The following FGF12 variants were observed in gnomAD, a reference collection of about 807,000 sequenced individuals.
FGF12 encodes fibroblast growth factor 12.
Under a neutral mutation model 23.6 loss-of-function variants are expected in FGF12, and 14 were observed. The ratio of observed to expected loss-of-function variants is 0.59; its 90% CI spans 0.39 to 0.93. The LOEUF is 0.93. FGF12 is among the 40% of genes least tolerant of loss of function. The pLI is 0.00. For synonymous variants in FGF12, 62 were observed against 77.3 expected, an observed-to-expected ratio of 0.80 and a Z score of 1.04; for missense variants, 175 against 217.8, an observed-to-expected ratio of 0.80 and a Z score of 1.24.
At chr3:192,714,680 G>T (rs1409790569) in intron 2 of FGF12, among the ~76,000 whole-genome samples, 2 of 151,768 alleles carry the variant, frequency 1.3e-5, no homozygotes, top group East Asian at 3.9e-4. Flanking sequence ...CACTACGTCC[G>T]GCTAATTTTT....
chr3:192,622,021 A>C (rs1352436005), intron 2 of FGF12, among the ~76,000 whole-genome samples: 1 of 152,172 alleles, frequency 6.6e-6, no homozygotes, highest in Non-Finnish European at 1.5e-5. Context: ...ACTGAGGAAA[A>C]GGCCTCTTTT....
intron 2 of FGF12, among the ~76,000 whole-genome samples, chr3:192,390,071 C>A (rs563377677): frequency 6.6e-6 from 1 of 152,264 alleles, no homozygotes; most frequent in South Asian, 2.1e-4. Context: ...TTAGAACATA[C>A]AAAATGGCTG....
chr3:192,235,897 T>C (rs984009104), intron 4 of FGF12, among the ~76,000 whole-genome samples: 1 of 152,200 alleles, frequency 6.6e-6, no homozygotes, highest in Non-Finnish European at 1.5e-5. Flanking sequence ...TTTCTTCTGC[T>C]AGCTTTGGGG....
At chr3:192,641,699 C>T (rs1413732009) in intron 2 of FGF12, among the ~76,000 whole-genome samples, 1 of 152,198 alleles carries the variant, frequency 6.6e-6, no homozygotes, top group East Asian at 1.9e-4. Context: ...AGCCACAGTG[C>T]CTGGCCGGCC....
At chr3:192,575,973 T>C (rs532848504) in intron 2 of FGF12, among the ~76,000 whole-genome samples, 16 of 152,322 alleles carry the variant, frequency 1.1e-4, no homozygotes, top group Admixed American at 8.5e-4. Flanking sequence ...ACCAATAGAT[T>C]TTTTACTTGC....
intron 2 of FGF12, among the ~76,000 whole-genome samples, chr3:192,381,989 T>C (rs1029209503): frequency 1.3e-5 from 2 of 151,010 alleles, no homozygotes; most frequent in African/African-American, 2.5e-5. Flanking sequence ...TAGACTAGCA[T>C]AACACTTTTT....
intron 2 of FGF12, among the ~76,000 whole-genome samples, chr3:192,543,352 T>G (rs1725418488): frequency 2.0e-5 from 3 of 152,066 alleles, no homozygotes; most frequent in African/African-American, 7.2e-5. Flanking sequence ...CAAGGGCACT[T>G]CAGTCAGCAT....
At chr3:192,265,994 T>C (rs1713054967) in intron 4 of FGF12, among the ~76,000 whole-genome samples, 1 of 152,146 alleles carries the variant, frequency 6.6e-6, no homozygotes, top group East Asian at 1.9e-4. Flanking sequence ...AAGAATTCAT[T>C]TAGCAGACTG....
chr3:192,628,744 CATAA>C (rs1463034225), intron 2 of FGF12, among the ~76,000 whole-genome samples: 1 of 149,662 alleles, frequency 6.7e-6, no homozygotes, highest in Non-Finnish European at 1.5e-5. Context: ...CACATATATA[CATAA>C]ATATATACTT....
chr3:192,267,013 C>T (rs1241119307), intron 4 of FGF12: 1 of 152,056 alleles, frequency 6.6e-6, no homozygotes, highest in Non-Finnish European at 1.5e-5. Flanking sequence ...GAACTGATGC[C>T]TTGAGGAATC....
chr3:192,568,848 A>G (rs1435148775), intron 2 of FGF12, among the ~76,000 whole-genome samples: 1 of 152,146 alleles, frequency 6.6e-6, no homozygotes. Context: ...ATACATGAGC[A>G]TAGAGCCCAC....
At chr3:192,576,154 T>C (rs1443946140) in intron 2 of FGF12, among the ~76,000 whole-genome samples, 1 of 152,210 alleles carries the variant, frequency 6.6e-6, no homozygotes, top group Non-Finnish European at 1.5e-5. Context: ...GCAGCCCTTT[T>C]TTTTCTGCTT....
At chr3:192,167,765 ATATAAAATTTTTTTTTT>A (rs1474936179) in intron 5 of FGF12, among the ~76,000 whole-genome samples, 6 of 32,376 alleles carry the variant, frequency 1.9e-4, no homozygotes, top group Non-Finnish European at 3.6e-4. Flanking sequence ...ATATATATAT[ATATAAAATTTTTTTTTT>A]TTTTTTTTTT....
chr3:192,274,832 A>G (rs1713680166), intron 4 of FGF12, among the ~76,000 whole-genome samples: 1 of 152,200 alleles, frequency 6.6e-6, no homozygotes, highest in Admixed American at 6.5e-5. Context: ...CTTCATATCA[A>G]TCACTGTGGA....
intron 4 of FGF12, 28 bp downstream of exon 4, chr3:192,335,333 A>G: frequency 1.4e-6 from 2 of 1,455,696 alleles, no homozygotes; most frequent in Non-Finnish European, 9.6e-7. Flanking sequence ...ACACACATAC[A>G]CACAAATACA....
chr3:192,567,269 GA>G (rs1022169766), intron 2 of FGF12, among the ~76,000 whole-genome samples: 2 of 151,918 alleles, frequency 1.3e-5, no homozygotes, highest in African/African-American at 2.4e-5. Context: ...CTTTAGTGGG[GA>G]AAAAAATCTA....
Position 192,170,355 on chromosome 3 carries a change from CT to C in FGF12, c.427+102del, listed in dbSNP as rs1715484743. 6.2e-6 allele frequency: 5 copies of C among 800,372 alleles called. No individual in the cohort carries two copies. In the South Asian group the frequency reaches 6.5e-5, roughly 10 times the overall value. The allele number at this position is 800,372 out of a possible 1,614,324, so 49.6% of individuals were successfully genotyped here. ...ATTTCTTTTGAATCTTTCTTCTGAT[CT>C]GTTGCATTCCAGGCAAACTCTCTGG... On this transcript the variant is annotated intron_variant, in intron 5 of 5. Coordinates refer to ENST00000445105, the MANE Select transcript of FGF12 (RefSeq NM_004113.6).
At chr3:192,316,224 G>A (rs1355207660) in intron 4 of FGF12, among the ~76,000 whole-genome samples, 7 of 152,098 alleles carry the variant, frequency 4.6e-5, no homozygotes, top group Non-Finnish European at 8.8e-5. Flanking sequence ...TAACACTCCA[G>A]CAGCTGTCCT....
chr3:192,551,861 T>C (rs528058290), intron 2 of FGF12, among the ~76,000 whole-genome samples: 3 of 152,058 alleles, frequency 2.0e-5, no homozygotes, highest in East Asian at 1.9e-4. Flanking sequence ...ATGTGACCCA[T>C]AGTCAAAAGT....
Sources: allele counts gnomAD v4.1 joint callset (sites outside exome capture counted in the v4.1 genomes callset), GRCh38; gene constraint gnomAD v4.1.1; transcripts MANE v1.5; gene names NCBI Gene and HGNC (gene_info 2026-07-23, HGNC 2026-07-21).